NEGR1: variants seen among roughly 807,000 people sequenced by gnomAD.
NEGR1 encodes neuronal growth regulator 1.
NEGR1 carries 10 observed loss-of-function variants against 40.9 expected under a neutral mutation model. The observed-to-expected ratio is 0.24, with a 90% CI of 0.15 to 0.42. The LOEUF (loss-of-function observed/expected upper bound fraction) is 0.42. Ranked by LOEUF, NEGR1 falls within the 10% of genes least tolerant of loss-of-function variation. The probability of loss-of-function intolerance (pLI) is 1.00; values close to 1 mark genes in which losing one functional copy is unlikely to be tolerated. For synonymous variants in NEGR1, 185 were observed against 166.8 expected, an observed-to-expected ratio of 1.11 and a Z score of -0.84; for missense variants, 352 against 438.9, an observed-to-expected ratio of 0.80 and a Z score of 1.77.
chr1:71,881,600 C>A (rs2101843620), intron 2 of NEGR1, among the ~76,000 whole-genome samples: 1 of 152,024 alleles, frequency 6.6e-6, no homozygotes, highest in South Asian at 2.1e-4. Flanking sequence ...GGTACATTTG[C>A]TCAATTTGTT....
intron 6 of NEGR1, among the ~76,000 whole-genome samples, chr1:71,450,391 T>C (rs1179180425): frequency 2.0e-5 from 3 of 151,638 alleles, no homozygotes; most frequent in Admixed American, 1.3e-4. Context: ...TGTAACTCTA[T>C]CATTTAAATC....
chr1:71,976,473 C>A (rs1167771761), intron 1 of NEGR1, among the ~76,000 whole-genome samples: 1 of 152,160 alleles, frequency 6.6e-6, no homozygotes, highest in East Asian at 1.9e-4. Flanking sequence ...GATTCAGATG[C>A]AGGGTTTCCA....
chr1:71,483,795 A>G (rs1646869499), intron 6 of NEGR1, among the ~76,000 whole-genome samples: 1 of 151,792 alleles, frequency 6.6e-6, no homozygotes, highest in South Asian at 2.1e-4. Context: ...TTAAGTAGCT[A>G]AGACTTTCTG....
chr1:72,100,754 T>C (rs1648904109), intron 1 of NEGR1: 1 of 152,198 alleles, frequency 6.6e-6, no homozygotes, highest in African/African-American at 2.4e-5. Context: ...CCTGTATTAG[T>C]TTGCTCGGGC....
At chr1:72,047,771 C>T (rs1361219353) in intron 1 of NEGR1, among the ~76,000 whole-genome samples, 1 of 151,472 alleles carries the variant, frequency 6.6e-6, no homozygotes, top group Non-Finnish European at 1.5e-5. Context: ...ACAAAGATTA[C>T]TAGTACTAGT....
At chr1:72,210,104 A>G (rs1474162399) in intron 1 of NEGR1, among the ~76,000 whole-genome samples, 1 of 151,912 alleles carries the variant, frequency 6.6e-6, no homozygotes, top group African/African-American at 2.4e-5. Flanking sequence ...CAGTTCTCCA[A>G]CTGTGCTCCA....
At chr1:72,279,128 A>C (rs2100569559) in intron 1 of NEGR1, among the ~76,000 whole-genome samples, 1 of 152,286 alleles carries the variant, frequency 6.6e-6, no homozygotes, top group Middle Eastern at 3.4e-3. Context: ...AAAATTATTA[A>C]GTGGAATGTC....
chr1:71,634,378 T>C (rs111518215), intron 4 of NEGR1, among the ~76,000 whole-genome samples: 26 of 152,178 alleles, frequency 1.7e-4, no homozygotes, highest in African/African-American at 5.8e-4. Context: ...GGCAGCACCA[T>C]GGAAGCTTGG....
chr1:71,834,440 T>G (rs1048476957), intron 2 of NEGR1, among the ~76,000 whole-genome samples: 1 of 151,850 alleles, frequency 6.6e-6, no homozygotes, highest in African/African-American at 2.4e-5. Flanking sequence ...GAAGGAGGAA[T>G]TCACCACCCA....
At chr1:71,732,269 C>T (rs915755424) in intron 3 of NEGR1, among the ~76,000 whole-genome samples, 15 of 151,958 alleles carry the variant, frequency 9.9e-5, no homozygotes, top group African/African-American at 3.1e-4. Flanking sequence ...CATTGCAAGC[C>T]GAGATTGTAG....
chr1:71,416,708 G>T (rs904508869), intron 6 of NEGR1, among the ~76,000 whole-genome samples: 2 of 152,132 alleles, frequency 1.3e-5, no homozygotes, highest in Non-Finnish European at 2.9e-5. Context: ...TACTTTTTCA[G>T]TCTTATACCT....
chr1:72,182,778 GTATATATA>G (rs10546486), intron 1 of NEGR1, among the ~76,000 whole-genome samples: 8 of 146,876 alleles, frequency 5.4e-5, no homozygotes, highest in South Asian at 4.3e-4. Context: ...GTGTGCGTGT[GTATATATA>G]TATATATATA....
At chr1:71,888,032 CACA>C (rs1660776698) in intron 2 of NEGR1, among the ~76,000 whole-genome samples, 1 of 142,854 alleles carries the variant, frequency 7.0e-6, no homozygotes, top group African/African-American at 2.6e-5. Flanking sequence ...CACACACACA[CACA>C]CCTCTAGAAT....
Position 71,918,592 on chromosome 1 carries a change from G to A in NEGR1, c.409+16487C>T, listed in dbSNP as rs186619665. Among the ~76,000 whole-genome samples the A allele has an allele frequency of 1.1e-4, 17 of 152,142 alleles. No individual in the cohort carries two copies. In the East Asian group the frequency reaches 3.3e-3, roughly 29 times the overall value. ...TTCCAGGAGTCTTTACTAGGTCAGAGGCTTCAAGGGTAAATTTATGTTACC... is the reference window on the plus strand; with the variant it reads ...TTCCAGGAGTCTTTACTAGGTCAGAAGCTTCAAGGGTAAATTTATGTTACC... On this transcript the variant is annotated intron_variant, in intron 2 of 6. Coordinates refer to ENST00000357731, the MANE Select transcript of NEGR1 (RefSeq NM_173808.3).
At chr1:71,499,844 A>C (rs775178153) in intron 6 of NEGR1, among the ~76,000 whole-genome samples, 9 of 152,102 alleles carry the variant, frequency 5.9e-5, no homozygotes, top group Non-Finnish European at 8.8e-5. Flanking sequence ...GAAACCCCTA[A>C]ATTTAAATAT....
chr1:71,537,559 A>G lies in NEGR1; in HGVS notation c.940+55258T>C, dbSNP rs540828994. 4.6e-5 allele frequency among the ~76,000 whole-genome samples: 7 copies of G among 151,852 alleles called. No individual in the cohort carries two copies. In the South Asian group the frequency reaches 1.5e-3, roughly 32 times the overall value. ...GACTTTGCAGGACAAAAGAGTTTAC[A>G]CACAATTTTCCAATCTTGTTCTCAC... On this transcript the variant is annotated intron_variant, in intron 6 of 6. Coordinates refer to ENST00000357731, the MANE Select transcript of NEGR1 (RefSeq NM_173808.3).
chr1:72,121,090 C>A (rs1649787306), intron 1 of NEGR1, among the ~76,000 whole-genome samples: 1 of 151,982 alleles, frequency 6.6e-6, no homozygotes, highest in African/African-American at 2.4e-5. Context: ...TCTTACAGTT[C>A]TTTTTTGTAC....
In NEGR1 at chr1:71,441,709, T is replaced by C. The variant is rs190905003; in HGVS notation, c.941-34139A>G. On this transcript the variant is annotated intron_variant, in intron 6 of 6. Transcript: ENST00000357731. ...TATTAGAAAATGGGAATTTATGTTA[T>C]CATGGAATGTTTCCTGCTAAGCCCA... is the stretch of plus-strand genomic sequence containing the variant. Among the ~76,000 whole-genome samples the C allele has an allele frequency of 1.1e-3, 163 of 152,324 alleles. 1 individual carries two copies. Among genetic ancestry groups the C allele is most frequent in the African/African-American group, 3.7e-3 (155 of 41,580 alleles).
intron 2 of NEGR1, among the ~76,000 whole-genome samples, chr1:71,801,201 C>T (rs983799574): frequency 6.6e-6 from 1 of 152,146 alleles, no homozygotes; most frequent in Non-Finnish European, 1.5e-5. Context: ...CTTTACTGGC[C>T]TCTCTTTGCC....
Sources: allele counts gnomAD v4.1 joint callset (sites outside exome capture counted in the v4.1 genomes callset), GRCh38; gene constraint gnomAD v4.1.1; transcripts MANE v1.5; gene names NCBI Gene and HGNC (gene_info 2026-07-23, HGNC 2026-07-21).